PLB1: variants seen among roughly 807,000 people sequenced by gnomAD.
The protein encoded by PLB1 is phospholipase B1.
Under a neutral mutation model 227.4 loss-of-function variants are expected in PLB1, and 242 were observed. That is an observed-to-expected ratio of 1.06 (90% CI 0.96 to 1.18). The LOEUF (loss-of-function observed/expected upper bound fraction) is 1.18, where lower values mean the gene tolerates loss of function less well. Among genes scored for constraint, PLB1 ranks in the 50% most tolerant of loss-of-function variants. The pLI is 0.00. For synonymous variants in PLB1, 757 were observed against 682.2 expected (o/e 1.11, Z -1.71); for missense variants, 1,858 against 1,816.3 (o/e 1.02, Z -0.42).
chr2:28,549,062 A>T (rs1673770673), intron 15 of PLB1, 131 bp downstream of exon 15: 1 of 780,422 alleles, frequency 1.3e-6, no homozygotes, highest in Admixed American at 2.2e-5. Context: ...GGGCCTGCAC[A>T]CAGTTTTGCA....
chr2:28,566,951 C>A, intron 20 of PLB1, 112 bp downstream of exon 20: 1 of 1,178,878 alleles, frequency 8.5e-7, no homozygotes. Flanking sequence ...CAGGAGCCCG[C>A]TAAATTCACC....
intron 57 of PLB1, 115 bp from the exon 58 acceptor site, chr2:28,642,743 G>C: frequency 1.1e-6 from 1 of 930,082 alleles, no homozygotes; most frequent in East Asian, 2.7e-5. Context: ...GGGAAGCTCT[G>C]TGAAAACGTG....
At chr2:28,600,903 C>A in intron 36 of PLB1, 43 bp downstream of exon 36, 2 of 1,553,664 alleles carry the variant, frequency 1.3e-6, no homozygotes, top group Admixed American at 1.7e-5. Context: ...AATTTTCTAA[C>A]CCACTAAAGT....
At chr2:28,592,586 C>A in intron 31 of PLB1, 75 bp from the exon 32 acceptor site, 1 of 1,459,860 alleles carries the variant, frequency 6.8e-7, no homozygotes, top group Non-Finnish European at 9.6e-7. Flanking sequence ...TTGGATCTTG[C>A]TTGAAGCCAG....
At chr2:28,510,437 TC>T (rs1180131275) in intron 1 of PLB1, among the ~76,000 whole-genome samples, 2 of 152,026 alleles carry the variant, frequency 1.3e-5, no homozygotes, top group Non-Finnish European at 2.9e-5. Flanking sequence ...CTTCCACTGG[TC>T]TAGTCCTGGT....
chr2:28,582,347 C>A, intron 24 of PLB1, 58 bp from the exon 25 acceptor site: 1 of 1,486,780 alleles, frequency 6.7e-7, no homozygotes, highest in Admixed American at 1.8e-5. Flanking sequence ...AGGCCCCAAA[C>A]CGAGGTGAAA....
chr2:28,612,910 G>A (rs1317237901), intron 43 of PLB1, among the ~76,000 whole-genome samples: 3 of 149,294 alleles, frequency 2.0e-5, no homozygotes, highest in African/African-American at 7.5e-5. Context: ...GAGCCACTGT[G>A]CCCAGACTAA....
chr2:28,517,663 T>G (rs779606186), intron 2 of PLB1, among the ~76,000 whole-genome samples: 2 of 152,156 alleles, frequency 1.3e-5, no homozygotes, highest in Admixed American at 1.3e-4. Context: ...AAAATAAATA[T>G]AAAACGGGAT....
chr2:28,510,953 G>C (rs1668185066), intron 1 of PLB1, among the ~76,000 whole-genome samples: 2 of 151,972 alleles, frequency 1.3e-5, no homozygotes, highest in South Asian at 4.1e-4. Context: ...GCCTCCTTTA[G>C]GATTAAGTAT....
Position 28,514,762 on chromosome 2 carries a change from A to G in PLB1, c.56-2046A>G, listed in dbSNP as rs187489675. ...AGCTTCTTGATTACAAGCATGGCTC[A>G]TGGAGTCAGATGAGCCAGACTGCCT... On this transcript the variant is annotated intron_variant, in intron 1 of 57. Coordinates refer to ENST00000327757, the MANE Select transcript of PLB1 (RefSeq NM_153021.5). 3.5e-3 allele frequency among the ~76,000 whole-genome samples: 528 copies of G among 152,346 alleles called. 1 individual carries two copies. The highest frequency in any genetic ancestry group is 0.012 in the South Asian group (60 of 4,826).
rs988260991 is a variant in PLB1 at position 28,581,073 on chromosome 2, T to G, written c.1567-995T>G. On this transcript the variant is annotated intron_variant, in intron 23 of 57. Transcript: ENST00000327757. ...GGGCCCCTCCCCTGCTCATGTTAAG[T>G]GACACAGCTTTCATATGTTCCATAC... is the stretch of plus-strand genomic sequence containing the variant. Among the ~76,000 whole-genome samples, 17 of 152,286 alleles carry G rather than the reference T, an allele frequency of 1.1e-4. 1 individual carries two copies. The highest frequency in any genetic ancestry group is 9.8e-4 in the Admixed American group (15 of 15,294).
chr2:28,639,361 T>C (rs1414932121), intron 56 of PLB1, among the ~76,000 whole-genome samples: 1 of 150,804 alleles, frequency 6.6e-6, no homozygotes, highest in Non-Finnish European at 1.5e-5. Context: ...TCTTTGGCTC[T>C]GCCCATATGG....
At chr2:28,631,865 T>C (rs1688675778) in intron 54 of PLB1, among the ~76,000 whole-genome samples, 171 bp from the exon 55 acceptor site, 1 of 152,188 alleles carries the variant, frequency 6.6e-6, no homozygotes, top group South Asian at 2.1e-4. Flanking sequence ...TCCGTGCCCA[T>C]GAATGGGTGG....
chr2:28,588,072 C>A lies in PLB1; in HGVS notation c.1816-1378C>A, dbSNP rs1355646451. 9.3e-5 allele frequency among the ~76,000 whole-genome samples: 14 copies of A among 150,818 alleles called. 1 individual carries two copies. The highest frequency in any genetic ancestry group is 9.3e-4 in the Admixed American group (14 of 15,116). On this transcript the variant is annotated intron_variant, in intron 26 of 57. Transcript: ENST00000327757. The stretch of plus-strand genomic sequence containing the variant: ...CCATCATGCCCTGTCTCAGAATCAT[C>A]TCACGCCCTACTTCCCACAGAAGCT...
intron 23 of PLB1, among the ~76,000 whole-genome samples, chr2:28,581,397 C>T (rs1679913005): frequency 7.7e-6 from 1 of 129,094 alleles, no homozygotes; most frequent in African/African-American, 3.1e-5. Flanking sequence ...GTCATCTGCT[C>T]GGACATCCCC....
At chr2:28,518,314 G>A in intron 2 of PLB1, 152 bp from the exon 3 acceptor site, 1 of 647,344 alleles carries the variant, frequency 1.5e-6, no homozygotes. Context: ...ACTGGGTATG[G>A]GGTTAGGAGA....
intron 23 of PLB1, among the ~76,000 whole-genome samples, chr2:28,581,254 A>G (rs1679884850): frequency 2.0e-5 from 3 of 151,982 alleles, no homozygotes; most frequent in Non-Finnish European, 4.4e-5. Flanking sequence ...TTCCCCTCCC[A>G]TTATTGCCTT....
At chr2:28,614,158 G>C in intron 44 of PLB1, 62 bp downstream of exon 44, 3 of 1,444,988 alleles carry the variant, frequency 2.1e-6, no homozygotes, top group Non-Finnish European at 2.9e-6. Context: ...CCAGGGGCTC[G>C]GGTGTGGTAC....
chr2:28,627,770 G>A (rs1211619055), intron 51 of PLB1, among the ~76,000 whole-genome samples: 1 of 152,154 alleles, frequency 6.6e-6, no homozygotes, highest in Non-Finnish European at 1.5e-5. Flanking sequence ...GGCTGCCTGA[G>A]CTCTCCCCTC....
Sources: allele counts gnomAD v4.1 joint callset (sites outside exome capture counted in the v4.1 genomes callset), GRCh38; gene constraint gnomAD v4.1.1; transcripts MANE v1.5; gene names NCBI Gene and HGNC (gene_info 2026-07-23, HGNC 2026-07-21).